Variants in CCSER1 observed in about 807,000 individuals in gnomAD.
CCSER1 encodes the protein serine-rich coiled-coil domain-containing protein 1.
Under a neutral mutation model 82.0 loss-of-function variants are expected in CCSER1, and 41 were observed. The ratio of observed to expected loss-of-function variants is 0.50; its 90% CI spans 0.39 to 0.65. The LOEUF is 0.65. CCSER1 is among the 30% of genes least tolerant of loss of function. The pLI, the probability that CCSER1 is intolerant of heterozygous loss-of-function variation, is 0.00. For synonymous variants in CCSER1, 414 were observed against 383.9 expected, an observed-to-expected ratio of 1.08 and a Z score of -0.92; for missense variants, 1,119 against 1,064.2, an observed-to-expected ratio of 1.05 and a Z score of -0.72.
At chr4:91,319,312 A>G (rs1368094279) in intron 10 of CCSER1, among the ~76,000 whole-genome samples, 2 of 152,038 alleles carry the variant, frequency 1.3e-5, no homozygotes, top group Admixed American at 6.6e-5. Flanking sequence ...TGAAGTGCCA[A>G]TCTTCTAGTA....
chr4:91,173,593 CAAAA>C (rs55747744), intron 10 of CCSER1, among the ~76,000 whole-genome samples: 7 of 104,692 alleles, frequency 6.7e-5, no homozygotes, highest in East Asian at 2.8e-4. Context: ...GACTCCGTCT[CAAAA>C]AAAAAAAAAA....
In CCSER1 at chr4:90,972,438, T is replaced by TA. The variant is rs537148626; in HGVS notation, c.2172+48999dup. ...ACACCATTTAAAATATCATAAGAAA[T>TA]AAAAAAAACTTAAGAATAAATTTAA... On this transcript the variant is annotated intron_variant, in intron 9 of 10. Coordinates refer to ENST00000509176, the MANE Select transcript of CCSER1 (RefSeq NM_001145065.2). Among the ~76,000 whole-genome samples, 86 of 151,224 alleles carry TA rather than the reference T, an allele frequency of 5.7e-4. 1 individual carries two copies. The highest frequency in any genetic ancestry group is 1.6e-3 in the African/African-American group (65 of 41,276).
intron 7 of CCSER1, among the ~76,000 whole-genome samples, chr4:90,784,462 G>T (rs1241731311): frequency 6.6e-6 from 1 of 152,196 alleles, no homozygotes; most frequent in Non-Finnish European, 1.5e-5. Flanking sequence ...GGATGAAAAT[G>T]ATGTGTTCTA....
At chr4:90,634,851 T>G (rs1725132816) in intron 6 of CCSER1, among the ~76,000 whole-genome samples, 1 of 151,884 alleles carries the variant, frequency 6.6e-6, no homozygotes, top group Admixed American at 6.6e-5. Context: ...TTATTTTTGC[T>G]GGTCCAGAAA....
chr4:91,357,543 A>AT (rs951305844), intron 10 of CCSER1, among the ~76,000 whole-genome samples: 5 of 152,032 alleles, frequency 3.3e-5, no homozygotes, highest in Non-Finnish European at 7.4e-5. Flanking sequence ...TAAAACAATA[A>AT]TTTTTTTAAC....
At chr4:91,149,575 T>A (rs534754240) in intron 10 of CCSER1, among the ~76,000 whole-genome samples, 36 of 152,314 alleles carry the variant, frequency 2.4e-4, no homozygotes, top group South Asian at 1.2e-3. Flanking sequence ...CTGAATGGTA[T>A]TGCCTAGGTT....
chr4:91,265,765 T>A (rs2149172804), intron 10 of CCSER1, among the ~76,000 whole-genome samples: 1 of 152,356 alleles, frequency 6.6e-6, no homozygotes, highest in Non-Finnish European at 1.5e-5. Context: ...CTATGTTGAA[T>A]ACTTTAGGAA....
rs181690691 is a variant in CCSER1, at chr4:91,444,090, A to C, written c.2218-154482A>C. ...CAATTAATGTATACATATAATACAC[A>C]GGAATATTATTTAATGGTATGATTT... On this transcript the variant is annotated intron_variant, in intron 10 of 10. Coordinates refer to ENST00000509176, the MANE Select transcript of CCSER1 (RefSeq NM_001145065.2). Among the ~76,000 whole-genome samples the C allele has an allele frequency of 3.9e-3, 598 of 152,258 alleles. 4 individuals carry two copies. The highest frequency in any genetic ancestry group is 0.017 in the South Asian group (82 of 4,828).
At chr4:90,923,496 C>G (rs1246711611) in intron 9 of CCSER1, 49 bp downstream of exon 9, 1 of 1,254,666 alleles carries the variant, frequency 8.0e-7, no homozygotes, top group Admixed American at 2.0e-5. Context: ...GGCATTCAGA[C>G]CTCCACAGCT....
rs746139117 is a variant in CCSER1, at chr4:90,333,295, C to T, written c.1509+20248C>T. Among the ~76,000 whole-genome samples the T allele has an allele frequency of 4.6e-5, 7 of 151,946 alleles. No homozygotes were observed. In the East Asian group the frequency reaches 9.6e-4, roughly 21 times the overall value. On this transcript the variant is annotated intron_variant, in intron 3 of 10. Transcript: ENST00000509176. ...GCTCTCTTGCCTACACAGTTGTAACCGGGAGTGGTTCAAGACAAGACATAG... is the reference window on the plus strand; with the variant it reads ...GCTCTCTTGCCTACACAGTTGTAACTGGGAGTGGTTCAAGACAAGACATAG...
chr4:91,370,855 G>A (rs901819602), intron 10 of CCSER1, among the ~76,000 whole-genome samples: 5 of 151,890 alleles, frequency 3.3e-5, no homozygotes, highest in Admixed American at 2.0e-4. Flanking sequence ...TGTGTTACAA[G>A]CATTCAAATT....
chr4:90,391,454 A>G (rs1751051412), intron 3 of CCSER1, among the ~76,000 whole-genome samples: 1 of 78,782 alleles, frequency 1.3e-5, no homozygotes, highest in African/African-American at 7.9e-5. Flanking sequence ...GTATATATAT[A>G]TATATATATA....
chr4:91,557,767 T>G (rs1198871393), intron 10 of CCSER1, among the ~76,000 whole-genome samples: 1 of 151,302 alleles, frequency 6.6e-6, no homozygotes, highest in African/African-American at 2.4e-5. Context: ...AGTAATATGG[T>G]GAAAAGGTTT....
intron 9 of CCSER1, among the ~76,000 whole-genome samples, chr4:91,081,959 A>G (rs1427177173): frequency 1.3e-5 from 2 of 152,198 alleles, no homozygotes; most frequent in Non-Finnish European, 2.9e-5. Context: ...GGGTAGGAAG[A>G]ATCAATATCG....
intron 5 of CCSER1, among the ~76,000 whole-genome samples, chr4:90,523,944 T>C (rs749975051): frequency 1.3e-5 from 2 of 152,142 alleles, no homozygotes; most frequent in African/African-American, 2.4e-5. Context: ...GTACATGAAG[T>C]TGAAAACCTA....
rs1350832059 is a variant in CCSER1, at chr4:91,601,056, T to C, written c.*1999T>C. 2 of 152,126 alleles carry C rather than the reference T, an allele frequency of 1.3e-5. No homozygotes were observed. The highest frequency in any genetic ancestry group is 2.9e-5 in the Non-Finnish European group (2 of 67,984). 9.4% of individuals were successfully genotyped at this position (152,126 alleles called of 1,614,324 possible). ...CTGTTGCTAGAGTATTTTAAATCTGTACATAAATAAGCATGATAAAATAAT... is the reference window on the plus strand; with the variant it reads ...CTGTTGCTAGAGTATTTTAAATCTGCACATAAATAAGCATGATAAAATAAT... On this transcript the variant is annotated 3_prime_UTR_variant, in exon 11 of 11. Transcript: ENST00000509176.
intron 8 of CCSER1, among the ~76,000 whole-genome samples, chr4:90,884,411 AAT>A (rs1457044549): frequency 6.6e-6 from 1 of 152,140 alleles, no homozygotes; most frequent in African/African-American, 2.4e-5. Flanking sequence ...TGTTGATATC[AAT>A]ATATATAATC....
intron 10 of CCSER1, among the ~76,000 whole-genome samples, chr4:91,099,728 G>T (rs1033944060): frequency 2.6e-5 from 4 of 152,168 alleles, no homozygotes; most frequent in Non-Finnish European, 5.9e-5. Flanking sequence ...TTGACAATTG[G>T]TTGAGCTTAT....
At chr4:90,325,601 G>C (rs999868043) in intron 3 of CCSER1, 10 of 442,592 alleles carry the variant, frequency 2.3e-5, no homozygotes, top group Admixed American at 7.1e-5. Context: ...TTCAGGGTCT[G>C]CGACAGATCT....
Sources: gnomAD v4.1 joint callset for allele counts (sites outside exome capture counted in the v4.1 genomes callset) on GRCh38, gnomAD v4.1.1 for gene constraint, MANE v1.5 for transcripts, NCBI Gene and HGNC (gene_info 2026-07-23, HGNC 2026-07-21) for gene names.